SCARB2: variants seen among roughly 807,000 people sequenced by gnomAD.
SCARB2 encodes scavenger receptor class B member 2.
A neutral mutation model predicts 58.6 loss-of-function variants in SCARB2; 29 were observed. The observed-to-expected ratio is 0.49, with a 90% CI of 0.37 to 0.67. SCARB2 has a LOEUF of 0.67. Ranked by LOEUF, SCARB2 falls within the 30% of genes least tolerant of loss-of-function variation. SCARB2 has a pLI of 0.00. For synonymous variants in SCARB2, 195 were observed against 210.1 expected (o/e 0.93, Z 0.62); for missense variants, 488 against 578.5 (o/e 0.84, Z 1.60).
intron 2 of SCARB2, chr4:76,194,022 G>C (rs1311068553): frequency 6.6e-6 from 1 of 152,224 alleles, no homozygotes; most frequent in African/African-American, 2.4e-5. Flanking sequence ...GTTTGGTGCT[G>C]TCCTCACAAC....
chr4:76,196,245 C>T (rs954522348), intron 1 of SCARB2, among the ~76,000 whole-genome samples: 6 of 152,110 alleles, frequency 3.9e-5, no homozygotes, highest in African/African-American at 9.7e-5. Flanking sequence ...CCTGGCTAGT[C>T]GGGAGGCTGA....
chr4:76,184,804 A>G, intron 2 of SCARB2: 2 of 357,840 alleles, frequency 5.6e-6, no homozygotes, highest in South Asian at 2.3e-5. Flanking sequence ...AAAAAATTTT[A>G]ATTTAAAAAC....
chr4:76,198,477 T>C (rs1225992291), intron 1 of SCARB2, among the ~76,000 whole-genome samples: 1 of 152,226 alleles, frequency 6.6e-6, no homozygotes, highest in African/African-American at 2.4e-5. Flanking sequence ...ACTTTCAGGA[T>C]AGAAATAAAC....
At chr4:76,207,311 G>C (rs1732948712) in intron 1 of SCARB2, among the ~76,000 whole-genome samples, 2 of 152,078 alleles carry the variant, frequency 1.3e-5, no homozygotes, top group Admixed American at 6.5e-5. Flanking sequence ...TTCTAATATT[G>C]TAACTATCAA....
rs1553951111 is a variant in SCARB2, at chr4:76,213,558, A to AGGGGC, written c.-16_-15insGCCCC. The AGGGGC allele has an allele frequency of 6.3e-7, 1 of 1,595,264 alleles. No individual in the cohort carries two copies. The highest frequency in any genetic ancestry group is 8.5e-7 in the Non-Finnish European group (1 of 1,170,410). ...CATCGGCCCATTCTGTGCGCCGCTC[A>AGGGGC]CGGGCCGGGCCGGGCCGCACCCGCC... is the stretch of plus-strand genomic sequence containing the variant. On this transcript the variant is annotated 5_prime_UTR_variant, in exon 1 of 12. Transcript: ENST00000264896.
chr4:76,211,272 G>A (rs1733040042), intron 1 of SCARB2, among the ~76,000 whole-genome samples: 1 of 152,216 alleles, frequency 6.6e-6, no homozygotes, highest in Non-Finnish European at 1.5e-5. Flanking sequence ...AACTTTGCGA[G>A]TTTCATGGTA....
rs564009600 is a variant in SCARB2 at position 76,168,247 on chromosome 4, C to G, written c.1187+156G>C. On this transcript the variant is annotated intron_variant, in intron 9 of 11. Coordinates refer to ENST00000264896, the MANE Select transcript of SCARB2 (RefSeq NM_005506.4). ...AAATAAAACAAGTAAATTCCAAGAC[C>G]AAGGCACCCATGAAAATGCTGATCA... Among the ~76,000 whole-genome samples, 407 of 152,220 alleles carry G rather than the reference C, an allele frequency of 2.7e-3. 1 individual carries two copies. Among genetic ancestry groups the G allele is most frequent in the Non-Finnish European group, 4.0e-3 (272 of 68,016 alleles).
chr4:76,233,255 G>C (rs1733523095), intron 1 of SCARB2, among the ~76,000 whole-genome samples: 1 of 150,222 alleles, frequency 6.7e-6, no homozygotes, highest in Non-Finnish European at 1.5e-5. Context: ...CTTAATTAAG[G>C]GTGTGGTTAG....
At chr4:76,198,058 T>G (rs1732751021) in intron 1 of SCARB2, among the ~76,000 whole-genome samples, 1 of 152,202 alleles carries the variant, frequency 6.6e-6, no homozygotes, top group Non-Finnish European at 1.5e-5. Flanking sequence ...AGCTGCGGTC[T>G]GCTCTGCTGC....
chr4:76,168,335 C>T, intron 9 of SCARB2, 68 bp downstream of exon 9: 1 of 1,221,216 alleles, frequency 8.2e-7, no homozygotes, highest in Non-Finnish European at 1.2e-6. Flanking sequence ...CTCCTCCTGA[C>T]ATCAACCCCA....
At chr4:76,213,297 G>A in intron 1 of SCARB2, 130 bp downstream of exon 1, 1 of 730,896 alleles carries the variant, frequency 1.4e-6, no homozygotes, top group South Asian at 1.5e-5. Flanking sequence ...CTGGAAGACA[G>A]GGACGCAAGA....
At chr4:76,229,472 G>C (rs927192822) in intron 1 of SCARB2, among the ~76,000 whole-genome samples, 2 of 152,160 alleles carry the variant, frequency 1.3e-5, no homozygotes, top group African/African-American at 2.4e-5. Context: ...TGGGTAGACT[G>C]TTTCAGTGGA....
At position 76,179,553 on chromosome 4, in the gene SCARB2, C is replaced by T; in HGVS notation, c.576G>A (p.Arg192=). The change falls in exon 4 of 12, where the codon AGG becomes AGA. Residue 192 remains arginine (R), a synonymous_variant. Coordinates refer to ENST00000264896, the MANE Select transcript of SCARB2 (RefSeq NM_005506.4). ...GGCCAAAATAGGGAGAGATATCGGG[C>T]CTGAAAACATGGATAAGGGACAAGA... The part of the protein sequence containing the change: ...DEILSLIHVF[R]PDISPYFGLF... 1 of 1,614,156 alleles carries T rather than the reference C, an allele frequency of 6.2e-7. No homozygotes were observed. The highest frequency in any genetic ancestry group is 8.5e-7 in the Non-Finnish European group (1 of 1,180,020).
At chr4:76,229,685 A>G (rs12506229) in intron 1 of SCARB2, among the ~76,000 whole-genome samples, 8,054 of 152,190 alleles carry the variant, frequency 0.053, 250 homozygotes, top group Middle Eastern at 0.088. Flanking sequence ...CTGTGATGTG[A>G]TCCATCTTCA....
At position 76,162,031 on chromosome 4, in the gene SCARB2, G is replaced by A. The variant is rs72655526; in HGVS notation, c.1399-280C>T. On this transcript the variant is annotated intron_variant, in intron 11 of 11. Transcript: ENST00000264896. ...ATAAAACTTAGACTCTATTCAACTT[G>A]CCTCCTTCCTGGTTTGAAACCTACT... The A allele has an allele frequency of 0.047, 23,598 of 507,224 alleles. 706 individuals carry two copies. Among genetic ancestry groups the A allele is most frequent in the Non-Finnish European group, 0.062 (17,270 of 279,284 alleles). The allele number at this position is 507,224 out of a possible 1,614,324, so 31.4% of individuals were successfully genotyped here.
chr4:76,161,811 T>A, intron 11 of SCARB2, 60 bp from the exon 12 acceptor site: 1 of 1,579,770 alleles, frequency 6.3e-7, no homozygotes, highest in Non-Finnish European at 8.7e-7. Context: ...CTCCCCAGTG[T>A]GAAAAGTTTG....
chr4:76,169,994 G>C lies in SCARB2; in HGVS notation c.995-9C>G. 2 of 1,599,166 alleles carry C rather than the reference G, an allele frequency of 1.3e-6. No homozygotes were observed. Among genetic ancestry groups the C allele is most frequent in the Middle Eastern group, 1.7e-4 (1 of 6,038 alleles). ...CATAATGATGGGTGCACCTGCATTT[G>C]AAGGAAAACAGAAATGAATGATGCT... On this transcript the variant is annotated splice_polypyrimidine_tract_variant and intron_variant, in intron 7 of 11. Transcript: ENST00000264896.
chr4:76,173,905 T>A, intron 7 of SCARB2: 1 of 521,748 alleles, frequency 1.9e-6, no homozygotes, highest in Non-Finnish European at 3.5e-6. Flanking sequence ...AAACTGATCT[T>A]TCTATTGGGC....
At chr4:76,161,893 G>A in intron 11 of SCARB2, 142 bp from the exon 12 acceptor site, 1 of 750,336 alleles carries the variant, frequency 1.3e-6, no homozygotes, top group South Asian at 1.5e-5. Context: ...CTCCCCTCTT[G>A]GGCTGCTGCT....
Sources: gnomAD v4.1 joint callset for allele counts (sites outside exome capture counted in the v4.1 genomes callset) on GRCh38, gnomAD v4.1.1 for gene constraint, MANE v1.5 for transcripts, NCBI Gene and HGNC (gene_info 2026-07-23, HGNC 2026-07-21) for gene names.